GALNT7: variants seen among roughly 807,000 people sequenced by gnomAD.
GALNT7 encodes N-acetylgalactosaminyltransferase 7.
In GALNT7, 60 loss-of-function variants were observed where a neutral mutation model predicts 82.1. That is an observed-to-expected ratio of 0.73 (90% CI 0.59 to 0.91). GALNT7 has a LOEUF of 0.91. Ranked by LOEUF, GALNT7 falls within the 40% of genes least tolerant of loss-of-function variation. The probability of loss-of-function intolerance (pLI) is 0.00; values close to 1 mark genes in which losing one functional copy is unlikely to be tolerated. For missense variants in GALNT7, 660 were observed against 804.2 expected (o/e 0.82, Z 2.17); for synonymous variants, 243 against 275.1 (o/e 0.88, Z 1.15).
rs557647180 is a variant in GALNT7, at chr4:173,299,914, GA to G, written c.1148+1621del. On this transcript the variant is annotated intron_variant, in intron 6 of 11. Transcript: ENST00000265000. The stretch of plus-strand genomic sequence containing the variant: ...AATGACAGTTAAATAAAGGTGACAT[GA>G]AAATATCACCTAAAATGTAATAGTG... Among the ~76,000 whole-genome samples the G allele has an allele frequency of 2.4e-4, 36 of 152,058 alleles. No individual in the cohort carries two copies. The South Asian group carries it at 6.0e-3, about 25-fold the overall frequency.
Position 173,298,076 on chromosome 4 carries a change from C to T in GALNT7, c.966-39C>T, listed in dbSNP as rs539260819. 46 of 1,599,542 alleles carry T rather than the reference C, an allele frequency of 2.9e-5. No individual in the cohort carries two copies. The Middle Eastern group carries it at 8.3e-4, about 29-fold the overall frequency. On this transcript the variant is annotated intron_variant, in intron 5 of 11. Coordinates refer to ENST00000265000, the MANE Select transcript of GALNT7 (RefSeq NM_017423.3). ...GTATAAATGTGTGGGTCCATACATA[C>T]GCTTCCATTTGATCTTTGCTGCCAT... is the stretch of plus-strand genomic sequence containing the variant.
intron 1 of GALNT7, among the ~76,000 whole-genome samples, chr4:173,241,507 A>T (rs1734433382): frequency 6.6e-6 from 1 of 152,246 alleles, no homozygotes; most frequent in Non-Finnish European, 1.5e-5. Flanking sequence ...AATGCATAAA[A>T]ATCCTAAGAT....
intron 9 of GALNT7, chr4:173,315,862 C>T (rs1164768266): frequency 6.6e-6 from 1 of 152,236 alleles, no homozygotes; most frequent in African/African-American, 2.4e-5. Flanking sequence ...CCCCCCAACC[C>T]ATCTTTGCTG....
rs189317657 is a variant in GALNT7, at chr4:173,323,224, T to C, written c.*1507T>C. On this transcript the variant is annotated 3_prime_UTR_variant, in exon 12 of 12. Transcript: ENST00000265000. Reference sequence around the variant, plus strand: ...ATGGTATCATTACAATGAAAGGAATTCACAAACTACTGCCAGAGGAAGTTT... The same window carrying C: ...ATGGTATCATTACAATGAAAGGAATCCACAAACTACTGCCAGAGGAAGTTT... The C allele has an allele frequency of 1.1e-3, 166 of 152,652 alleles. 1 individual carries two copies. Among genetic ancestry groups the C allele is most frequent in the Middle Eastern group, 0.01 (3 of 294 alleles). 9.5% of individuals were successfully genotyped at this position (152,652 alleles called of 1,614,324 possible). A position where few individuals can be genotyped will look rare whatever the true frequency, so the allele number is the denominator to read the frequency against.
chr4:173,311,648 G>T (rs987127238), intron 8 of GALNT7, among the ~76,000 whole-genome samples: 13 of 152,248 alleles, frequency 8.5e-5, no homozygotes, highest in Admixed American at 2.0e-4. Flanking sequence ...GCATGGGGGT[G>T]GGGGGTGGAC....
At chr4:173,235,263 C>A (rs562282265) in intron 1 of GALNT7, among the ~76,000 whole-genome samples, 2 of 152,202 alleles carry the variant, frequency 1.3e-5, no homozygotes, top group Non-Finnish European at 2.9e-5. Context: ...TATTAACTCA[C>A]TTTTTACTGC....
At chr4:173,178,050 T>C (rs55759925) in intron 1 of GALNT7, among the ~76,000 whole-genome samples, 37,220 of 116,384 alleles carry the variant, frequency 0.32, 5,085 homozygotes, top group Middle Eastern at 0.39. Flanking sequence ...TGTGTGTGTG[T>C]GTGCGCGCAC....
chr4:173,289,639 G>A (rs2126824898), intron 2 of GALNT7, among the ~76,000 whole-genome samples: 1 of 152,338 alleles, frequency 6.6e-6, no homozygotes, highest in South Asian at 2.1e-4. Flanking sequence ...CTGTGGGTTT[G>A]TTTTAGGTAA....
chr4:173,241,415 A>C (rs1421047687), intron 1 of GALNT7, among the ~76,000 whole-genome samples: 1 of 152,172 alleles, frequency 6.6e-6, no homozygotes, highest in Non-Finnish European at 1.5e-5. Context: ...AGTTGATCAT[A>C]ATTACTGTAC....
chr4:173,211,026 C>T (rs993526943), intron 1 of GALNT7, among the ~76,000 whole-genome samples: 3 of 151,944 alleles, frequency 2.0e-5, no homozygotes, highest in Admixed American at 2.0e-4. Context: ...ATTGAGATGC[C>T]TTACATTCTT....
intron 2 of GALNT7, among the ~76,000 whole-genome samples, chr4:173,289,079 C>T (rs922667593): frequency 5.3e-5 from 8 of 152,066 alleles, no homozygotes; most frequent in Admixed American, 2.0e-4. Context: ...TGACGGCTGT[C>T]GGGGACTGGA....
At chr4:173,231,444 T>C (rs1446826802) in intron 1 of GALNT7, among the ~76,000 whole-genome samples, 1 of 152,204 alleles carries the variant, frequency 6.6e-6, no homozygotes, top group Non-Finnish European at 1.5e-5. Flanking sequence ...TGTTTAGCAT[T>C]GTGGCCACCA....
Position 173,264,036 on chromosome 4 carries a change from A to G in GALNT7, c.587+15596A>G, listed in dbSNP as rs151173971. Among the ~76,000 whole-genome samples, 87 of 152,288 alleles carry G rather than the reference A, an allele frequency of 5.7e-4. 1 individual carries two copies. The East Asian group carries it at 0.017, about 29-fold the overall frequency. ...CTTTTATCAATAAGTAGTGATATAC[A>G]TAGACAAAATAATTGTTTTAAAGTT... On this transcript the variant is annotated intron_variant, in intron 2 of 11. Coordinates refer to ENST00000265000, the MANE Select transcript of GALNT7 (RefSeq NM_017423.3).
At chr4:173,266,928 G>GT (rs1735522720) in intron 2 of GALNT7, among the ~76,000 whole-genome samples, 1 of 123,440 alleles carries the variant, frequency 8.1e-6, no homozygotes, top group Non-Finnish European at 1.8e-5. Flanking sequence ...TGTGTGTGTG[G>GT]AGGGCTGGGA....
At chr4:173,198,543 A>G (rs1368724617) in intron 1 of GALNT7, among the ~76,000 whole-genome samples, 1 of 152,224 alleles carries the variant, frequency 6.6e-6, no homozygotes, top group Non-Finnish European at 1.5e-5. Context: ...CTATGACCAG[A>G]TAAGTCTGGC....
In GALNT7 at chr4:173,194,055, A is replaced by T. The variant is rs1237288427; in HGVS notation, c.126+25094A>T. ...AATTTTCCTATTTGTAAATGGATTT[A>T]AAGTCTTTTTGATAGTCTAGGAACC... On this transcript the variant is annotated intron_variant, in intron 1 of 11. Coordinates refer to ENST00000265000, the MANE Select transcript of GALNT7 (RefSeq NM_017423.3). Among the ~76,000 whole-genome samples the T allele has an allele frequency of 3.9e-5, 6 of 152,340 alleles. No homozygotes were observed. In the South Asian group the frequency reaches 8.3e-4, roughly 21 times the overall value.
intron 1 of GALNT7, among the ~76,000 whole-genome samples, chr4:173,200,098 A>G (rs1034472648): frequency 2.0e-5 from 3 of 152,226 alleles, no homozygotes; most frequent in Non-Finnish European, 4.4e-5. Flanking sequence ...TAAGATTTTT[A>G]TAAAATTAAA....
chr4:173,216,725 A>ATTTTT (rs1277080433), intron 1 of GALNT7, among the ~76,000 whole-genome samples: 10 of 8,460 alleles, frequency 1.2e-3, no homozygotes, highest in Non-Finnish European at 4.7e-3. Context: ...ATATATATAT[A>ATTTTT]TATTTTTTTT....
chr4:173,280,216 A>G (rs1438128960), intron 2 of GALNT7, among the ~76,000 whole-genome samples: 1 of 152,150 alleles, frequency 6.6e-6, no homozygotes, highest in Non-Finnish European at 1.5e-5. Flanking sequence ...GCACACACAC[A>G]TTATTGTAGA....
Sources: allele counts gnomAD v4.1 joint callset (sites outside exome capture counted in the v4.1 genomes callset), GRCh38; gene constraint gnomAD v4.1.1; transcripts MANE v1.5; gene names NCBI Gene and HGNC (gene_info 2026-07-23, HGNC 2026-07-21).